Variants in ZNF385B observed in about 807,000 individuals in gnomAD.
ZNF385B encodes zinc finger protein 533.
ZNF385B carries 23 observed loss-of-function variants against 39.2 expected under a neutral mutation model. The observed-to-expected ratio is 0.59, with a 90% confidence interval of 0.42 to 0.83. The LOEUF (loss-of-function observed/expected upper bound fraction) is 0.83, where lower values mean the gene tolerates loss of function less well. Among genes scored for constraint, ZNF385B ranks in the 40% least tolerant of loss-of-function variants. The pLI is 0.00. For synonymous variants in ZNF385B, 205 were observed against 222.6 expected (o/e 0.92, Z 0.70); for missense variants, 552 against 598.9 (o/e 0.92, Z 0.82).
chr2:179,758,911 T>G (rs1703203821), intron 3 of ZNF385B, among the ~76,000 whole-genome samples: 1 of 152,156 alleles, frequency 6.6e-6, no homozygotes, highest in African/African-American at 2.4e-5. Context: ...AAAAAAACAT[T>G]GTTTTAAAAT....
At chr2:179,481,948 T>C (rs1227738041) in intron 6 of ZNF385B, among the ~76,000 whole-genome samples, 1 of 152,250 alleles carries the variant, frequency 6.6e-6, no homozygotes, top group Non-Finnish European at 1.5e-5. Context: ...AGATAATATA[T>C]GTCAGAAGGT....
chr2:179,819,437 T>C (rs916172375), intron 1 of ZNF385B, among the ~76,000 whole-genome samples: 1 of 152,138 alleles, frequency 6.6e-6, no homozygotes, highest in African/African-American at 2.4e-5. Flanking sequence ...TAGCACTTCC[T>C]GGGATGCCCC....
chr2:179,802,750 TAG>T (rs144667700), intron 1 of ZNF385B: 7,569 of 152,192 alleles, frequency 0.05, 265 homozygotes, highest in Non-Finnish European at 0.076. Flanking sequence ...CTTACAAAAC[TAG>T]AGGAAATTTC....
chr2:179,792,515 C>T (rs181725608), intron 1 of ZNF385B, among the ~76,000 whole-genome samples: 198 of 151,908 alleles, frequency 1.3e-3, no homozygotes, highest in African/African-American at 4.6e-3. Flanking sequence ...GCTGGGATTA[C>T]AGGTGTACCC....
At chr2:179,607,445 C>G (rs1688904390) in intron 3 of ZNF385B, among the ~76,000 whole-genome samples, 1 of 152,138 alleles carries the variant, frequency 6.6e-6, no homozygotes, top group Non-Finnish European at 1.5e-5. Context: ...CCTTGCTTCC[C>G]CTTCACCTTC....
chr2:179,595,563 G>A (rs960176505), intron 3 of ZNF385B, among the ~76,000 whole-genome samples: 21 of 151,970 alleles, frequency 1.4e-4, no homozygotes, highest in African/African-American at 4.8e-4. Context: ...CTCTGATAGG[G>A]CTTTAGAAGT....
intron 3 of ZNF385B, among the ~76,000 whole-genome samples, chr2:179,730,499 C>T (rs1701319275): frequency 6.6e-6 from 1 of 152,198 alleles, no homozygotes; most frequent in Non-Finnish European, 1.5e-5. Flanking sequence ...GGAAATTGTG[C>T]ACTACTCCTT....
chr2:179,745,639 A>G, intron 3 of ZNF385B: 1 of 1,342,036 alleles, frequency 7.5e-7, no homozygotes, highest in Non-Finnish European at 1.0e-6. Flanking sequence ...CACAGGATTC[A>G]GCATAACATA....
At chr2:179,839,032 CT>C (rs1708408895) in intron 1 of ZNF385B, among the ~76,000 whole-genome samples, 1 of 152,016 alleles carries the variant, frequency 6.6e-6, no homozygotes, top group African/African-American at 2.4e-5. Flanking sequence ...TATAAACAGT[CT>C]GAAGGAGGAA....
intron 1 of ZNF385B, among the ~76,000 whole-genome samples, chr2:179,808,146 C>T (rs1706501444): frequency 6.6e-6 from 1 of 151,918 alleles, no homozygotes. Flanking sequence ...CATTCTCCTG[C>T]CTTAGCCTCC....
At chr2:179,717,052 C>G (rs1575328831) in intron 3 of ZNF385B, among the ~76,000 whole-genome samples, 2 of 152,172 alleles carry the variant, frequency 1.3e-5, no homozygotes, top group African/African-American at 4.8e-5. Context: ...GCACATTAAG[C>G]TACCAAGTTT....
intron 3 of ZNF385B, among the ~76,000 whole-genome samples, chr2:179,580,194 G>A (rs772570760): frequency 6.7e-6 from 1 of 149,492 alleles, no homozygotes; most frequent in Non-Finnish European, 1.5e-5. Context: ...GAAAAGTGCA[G>A]AGTGCTCTAC....
chr2:179,770,006 A>G lies in ZNF385B; in HGVS notation c.-2-204T>C, dbSNP rs536561111. Among the ~76,000 whole-genome samples the G allele has an allele frequency of 7.2e-5, 11 of 152,120 alleles. No individual in the cohort carries two copies. The South Asian group carries it at 2.1e-3, about 29-fold the overall frequency. On this transcript the variant is annotated intron_variant, in intron 2 of 9. Coordinates refer to ENST00000410066, the MANE Select transcript of ZNF385B (RefSeq NM_152520.6). ...AGTTCCTTGTGCCTGGGGGTTTTTGAACAGAAGTTCCTTTCACCTGGAGCA... is the reference window on the plus strand; with the variant it reads ...AGTTCCTTGTGCCTGGGGGTTTTTGGACAGAAGTTCCTTTCACCTGGAGCA...
chr2:179,695,125 T>C (rs1287579498), intron 3 of ZNF385B, among the ~76,000 whole-genome samples: 2 of 152,164 alleles, frequency 1.3e-5, no homozygotes, highest in African/African-American at 4.8e-5. Flanking sequence ...TGTGGTTAAT[T>C]TGAGTTGGTA....
chr2:179,450,160 C>T (rs1177704557), intron 6 of ZNF385B, among the ~76,000 whole-genome samples: 1 of 151,742 alleles, frequency 6.6e-6, no homozygotes, highest in South Asian at 2.1e-4. Context: ...TAGAAGAAAA[C>T]CTAGGCAATA....
chr2:179,686,959 G>T (rs1160819982), intron 3 of ZNF385B, among the ~76,000 whole-genome samples: 9 of 96,724 alleles, frequency 9.3e-5, no homozygotes, highest in Non-Finnish European at 1.7e-4. Flanking sequence ...GCCAAAATTT[G>T]TACTGTTTTT....
chr2:179,769,734 G>A lies in ZNF385B; in HGVS notation c.67C>T (p.Arg23Trp), dbSNP rs146268620. Reference protein sequence around the residue: ...DGIMNMANFLRGFEEKGIKND... With the variant: ...DGIMNMANFLWGFEEKGIKND... ...TTTATCCCCTTTTCTTCAAAGCCCC[G>A]TAGAAAATTTGCCATATTCATGATT... The change falls in exon 3 of 10, where the codon CGG (arginine) becomes TGG (tryptophan). Residue 23 changes from arginine (R) to tryptophan (W), a missense_variant. Coordinates refer to ENST00000410066, the MANE Select transcript of ZNF385B (RefSeq NM_152520.6). The A allele has an allele frequency of 4.3e-5, 70 of 1,614,030 alleles. No individual in the cohort carries two copies. The highest frequency in any genetic ancestry group is 1.6e-4 in the Middle Eastern group (1 of 6,062).
At chr2:179,508,948 CT>C (rs370767751) in intron 5 of ZNF385B, among the ~76,000 whole-genome samples, 260 of 138,726 alleles carry the variant, frequency 1.9e-3, no homozygotes, top group Middle Eastern at 3.6e-3. Flanking sequence ...ATCATAATCA[CT>C]TTTTTTTTTT....
chr2:179,850,275 C>A (rs1317324121), intron 1 of ZNF385B, among the ~76,000 whole-genome samples: 1 of 152,154 alleles, frequency 6.6e-6, no homozygotes, highest in Non-Finnish European at 1.5e-5. Flanking sequence ...CAGATTGTAG[C>A]AATCAGCTCA....
Sources: allele counts gnomAD v4.1 joint callset (sites outside exome capture counted in the v4.1 genomes callset), GRCh38; gene constraint gnomAD v4.1.1; transcripts MANE v1.5; gene names NCBI Gene and HGNC (gene_info 2026-07-23, HGNC 2026-07-21).